Variants in GRM8 observed in about 807,000 individuals in gnomAD.
GRM8 encodes the protein metabotropic glutamate receptor 8.
Under a neutral mutation model 87.2 loss-of-function variants are expected in GRM8, and 47 were observed. The ratio of observed to expected loss-of-function variants is 0.54; its 90% CI spans 0.43 to 0.69. The LOEUF is 0.69. GRM8 is among the 30% of genes least tolerant of loss of function. GRM8 has a pLI of 0.00. For synonymous variants in GRM8, 396 were observed against 404.5 expected (o/e 0.98, Z 0.25); for missense variants, 1,019 against 1,139.2 (o/e 0.89, Z 1.52).
At chr7:126,538,366 A>G (rs768061587) in intron 8 of GRM8, among the ~76,000 whole-genome samples, 8 of 152,164 alleles carry the variant, frequency 5.3e-5, no homozygotes, top group Non-Finnish European at 1.0e-4. Context: ...CTCCTGAAGA[A>G]AGGATTACAA....
chr7:127,062,855 A>G (rs1820750904), intron 3 of GRM8, among the ~76,000 whole-genome samples: 1 of 152,184 alleles, frequency 6.6e-6, no homozygotes, highest in Non-Finnish European at 1.5e-5. Context: ...GGTCAGCAGT[A>G]ATATTCCCTT....
rs138861153 is a variant in GRM8, at chr7:126,838,921, C to T, written c.1156+63621G>A. Reference sequence around the variant, plus strand: ...CTATTCAGGTGTACGCTTTGCCCATCGGGGAAAGCCCTAGGTGCAGGTGAC... The same window carrying T: ...CTATTCAGGTGTACGCTTTGCCCATTGGGGAAAGCCCTAGGTGCAGGTGAC... On this transcript the variant is annotated intron_variant, in intron 6 of 10. Coordinates refer to ENST00000339582, the MANE Select transcript of GRM8 (RefSeq NM_000845.3). Among the ~76,000 whole-genome samples the T allele has an allele frequency of 3.2e-3, 491 of 152,264 alleles. 5 individuals carry two copies. The highest frequency in any genetic ancestry group is 0.011 in the African/African-American group (462 of 41,546).
At chr7:126,779,773 G>A (rs758419175) in intron 6 of GRM8, among the ~76,000 whole-genome samples, 9 of 151,996 alleles carry the variant, frequency 5.9e-5, no homozygotes, top group South Asian at 4.2e-4. Context: ...AATACTCAAC[G>A]TTTTTCTCTC....
intron 1 of GRM8, among the ~76,000 whole-genome samples, chr7:127,248,853 G>A (rs968534044): frequency 2.6e-5 from 4 of 152,178 alleles, no homozygotes; most frequent in African/African-American, 9.7e-5. Context: ...AAGCCTATAT[G>A]GAGAGCACAG....
intron 9 of GRM8, among the ~76,000 whole-genome samples, chr7:126,451,607 T>C (rs1802624577): frequency 6.6e-6 from 1 of 151,728 alleles, no homozygotes; most frequent in Admixed American, 6.6e-5. Context: ...CAAAGCCTAC[T>C]CTCCAATGAC....
At chr7:126,875,940 T>C (rs961239354) in intron 6 of GRM8, among the ~76,000 whole-genome samples, 2 of 152,160 alleles carry the variant, frequency 1.3e-5, no homozygotes, top group African/African-American at 4.8e-5. Context: ...TTTCCAGCTG[T>C]GTCGAATTCA....
intron 7 of GRM8, among the ~76,000 whole-genome samples, chr7:126,660,425 A>C (rs1455575647): frequency 6.6e-6 from 1 of 152,218 alleles, no homozygotes; most frequent in Non-Finnish European, 1.5e-5. Flanking sequence ...ATATCTACGA[A>C]CATTATTTTA....
chr7:127,243,210 C>T lies in GRM8; in HGVS notation c.-6G>A, dbSNP rs376118229. 18 of 1,599,542 alleles carry T rather than the reference C, an allele frequency of 1.1e-5. No homozygotes were observed. Among genetic ancestry groups the T allele is most frequent in the Non-Finnish European group, 1.2e-5 (14 of 1,177,586 alleles). The stretch of plus-strand genomic sequence containing the variant: ...CGCTTTCCCTCGCATACCATTTTCT[C>T]CACAGGTGGTATTGCAATCCAAGAC... On this transcript the variant is annotated 5_prime_UTR_variant, in exon 2 of 11. Coordinates refer to ENST00000339582, the MANE Select transcript of GRM8 (RefSeq NM_000845.3).
At position 126,517,369 on chromosome 7, in the gene GRM8, T is replaced by A. The variant is rs117078888; in HGVS notation, c.2430+15583A>T. Among the ~76,000 whole-genome samples the A allele has an allele frequency of 7.0e-3, 1,067 of 152,204 alleles. 10 individuals are homozygous for A. The highest frequency in any genetic ancestry group is 0.012 in the Non-Finnish European group (825 of 67,976). ...AAGAAGCAGGAGTCTTAGTCAATAC[T>A]CAAACCAATCCTGTGTGCTGAGCAT... On this transcript the variant is annotated intron_variant, in intron 9 of 10. Coordinates refer to ENST00000339582, the MANE Select transcript of GRM8 (RefSeq NM_000845.3).
chr7:126,916,608 T>C (rs1372122891), intron 3 of GRM8, among the ~76,000 whole-genome samples: 2 of 152,370 alleles, frequency 1.3e-5, no homozygotes, highest in Non-Finnish European at 2.9e-5. Flanking sequence ...ATTCTACTTA[T>C]CAGCATTACC....
chr7:126,973,932 A>T (rs1055817992), intron 3 of GRM8, among the ~76,000 whole-genome samples: 1 of 152,214 alleles, frequency 6.6e-6, no homozygotes, highest in African/African-American at 2.4e-5. Flanking sequence ...AGGATTATGT[A>T]GGTTGAGTAT....
At chr7:127,016,424 A>T (rs1245059464) in intron 3 of GRM8, among the ~76,000 whole-genome samples, 1 of 152,074 alleles carries the variant, frequency 6.6e-6, no homozygotes, top group Non-Finnish European at 1.5e-5. Flanking sequence ...TAATCCCCAT[A>T]ATCAAATTGA....
chr7:126,663,830 T>C (rs1303186443), intron 7 of GRM8, among the ~76,000 whole-genome samples: 2 of 152,134 alleles, frequency 1.3e-5, no homozygotes, highest in African/African-American at 4.8e-5. Context: ...GGCATCCAAA[T>C]AGGAAAATAC....
intron 7 of GRM8, among the ~76,000 whole-genome samples, chr7:126,734,873 G>A (rs1363029091): frequency 6.6e-6 from 1 of 152,078 alleles, no homozygotes; most frequent in African/African-American, 2.4e-5. Flanking sequence ...GGTGAGAAAA[G>A]AGAAAGGTGT....
chr7:127,106,384 T>C, intron 3 of GRM8, 112 bp downstream of exon 3: 1 of 795,684 alleles, frequency 1.3e-6, no homozygotes. Flanking sequence ...GCCTAGTTCA[T>C]GCATCTGTAG....
chr7:127,199,130 C>T (rs1277296734), intron 2 of GRM8, among the ~76,000 whole-genome samples: 1 of 147,134 alleles, frequency 6.8e-6, no homozygotes, highest in Non-Finnish European at 1.5e-5. Flanking sequence ...CGTGAGCCAC[C>T]GCACCCGGCT....
intron 2 of GRM8, among the ~76,000 whole-genome samples, chr7:127,162,102 A>ATATAGCATTTG: frequency 2.6e-5 from 4 of 152,160 alleles, no homozygotes. Context: ...ATGTTGAACT[A>ATATAGCATTTG]TATAGCATTT....
chr7:127,224,609 A>C (rs1563591872), intron 2 of GRM8, among the ~76,000 whole-genome samples: 1 of 152,228 alleles, frequency 6.6e-6, no homozygotes, highest in African/African-American at 2.4e-5. Context: ...GAAGAAAAAA[A>C]CATGGCAAAA....
chr7:126,970,287 T>C (rs28951077), intron 3 of GRM8, among the ~76,000 whole-genome samples: 2 of 152,144 alleles, frequency 1.3e-5, no homozygotes, highest in Non-Finnish European at 2.9e-5. Flanking sequence ...CATCTTCCAA[T>C]AGAAGGCTGC....
Sources: gnomAD v4.1 joint callset for allele counts (sites outside exome capture counted in the v4.1 genomes callset) on GRCh38, gnomAD v4.1.1 for gene constraint, MANE v1.5 for transcripts, NCBI Gene and HGNC (gene_info 2026-07-23, HGNC 2026-07-21) for gene names.